Variants in ACAD8 observed in about 807,000 individuals in gnomAD.
ACAD8 encodes the protein isobutyryl-CoA dehydrogenase, mitochondrial.
ACAD8 carries 47 observed loss-of-function variants against 53.1 expected under a neutral mutation model. The ratio of observed to expected loss-of-function variants is 0.89; its 90% CI spans 0.70 to 1.13. ACAD8 has a LOEUF of 1.13. Ranked by LOEUF, ACAD8 falls within the 50% of genes most tolerant of loss-of-function variation. The probability of loss-of-function intolerance (pLI) is 0.00; values close to 1 mark genes in which losing one functional copy is unlikely to be tolerated. For synonymous variants in ACAD8, 198 were observed against 201.3 expected (o/e 0.98, Z 0.14); for missense variants, 494 against 535.0 (o/e 0.92, Z 0.76).
At chr11:134,262,003 A>G in intron 9 of ACAD8, 113 bp downstream of exon 9, 1 of 1,293,054 alleles carries the variant, frequency 7.7e-7, no homozygotes, top group South Asian at 1.3e-5. Context: ...TCCCACAAGG[A>G]TCACCTTAAG....
chr11:134,258,448 C>A (rs573859354), intron 3 of ACAD8, 67 bp from the exon 4 acceptor site: 137 of 1,092,534 alleles, frequency 1.3e-4, no homozygotes, highest in East Asian at 7.8e-4. Flanking sequence ...TTCCCCTTCT[C>A]CCCCATTTTT....
rs1166597174 is a variant in ACAD8, at chr11:134,253,724, G to A, written c.109+15G>A. 1.9e-6 allele frequency: 3 copies of A among 1,578,516 alleles called. No individual in the cohort carries two copies. Among genetic ancestry groups the A allele is most frequent in the African/African-American group, 1.3e-5 (1 of 74,084 alleles). On this transcript the variant is annotated intron_variant, in intron 1 of 10. Coordinates refer to ENST00000281182, the MANE Select transcript of ACAD8 (RefSeq NM_014384.3). The stretch of plus-strand genomic sequence containing the variant: ...CTGCATCGACCGTAAGGATCTCCTG[G>A]CGGGCAGTAGGACAGGTGTCCAGAA...
In ACAD8 at chr11:134,263,381, T is replaced by C. The variant is rs1333316210; in HGVS notation, c.1195+759T>C. 7 of 987,914 alleles carry C rather than the reference T, an allele frequency of 7.1e-6. No individual in the cohort carries two copies. The Admixed American group carries it at 3.6e-4, about 50-fold the overall frequency. 61.2% of individuals were successfully genotyped at this position (987,914 alleles called of 1,614,324 possible). A position where few individuals can be genotyped will look rare whatever the true frequency, so the allele number is the denominator to read the frequency against. On this transcript the variant is annotated intron_variant, in intron 10 of 10. Coordinates refer to ENST00000281182, the MANE Select transcript of ACAD8 (RefSeq NM_014384.3). ...CTGTGCTGGAATCGCCTGGAGGGCATGGGAGCGCAGATTGCGGGCCTCAAC... is the reference window on the plus strand; with the variant it reads ...CTGTGCTGGAATCGCCTGGAGGGCACGGGAGCGCAGATTGCGGGCCTCAAC...
Position 134,261,035 on chromosome 11 carries a change from T to G in ACAD8, c.706-9T>G, listed in dbSNP as rs766360602. On this transcript the variant is annotated splice_polypyrimidine_tract_variant and intron_variant, in intron 6 of 10. Coordinates refer to ENST00000281182, the MANE Select transcript of ACAD8 (RefSeq NM_014384.3). The surrounding 1 kb of genome is among the most constrained non-coding windows in gnomAD (Gnocchi z 4.2). ...GTTGGGCAACCACGCAGTCCCTGATTTTTGCCAGGTGGGGTGGAACTCCCA... is the reference window on the plus strand; with the variant it reads ...GTTGGGCAACCACGCAGTCCCTGATGTTTGCCAGGTGGGGTGGAACTCCCA... The G allele has an allele frequency of 6.2e-7, 1 of 1,611,820 alleles. No individual in the cohort carries two copies.
chr11:134,258,722 C>T lies in ACAD8; in HGVS notation c.490+98C>T, dbSNP rs1939699559. ...CCTTCCAGCCTCTTGACATGTCGAG[C>T]CACTGTTTATCTAGCTGTTTGGTTG... is the stretch of plus-strand genomic sequence containing the variant. On this transcript the variant is annotated intron_variant, in intron 4 of 10. Transcript: ENST00000281182. 3.2e-6 allele frequency: 3 copies of T among 936,114 alleles called. No homozygotes were observed. The South Asian group carries it at 4.2e-5, about 13-fold the overall frequency. The allele number at this position is 936,114 out of a possible 1,614,324, so 58.0% of individuals were successfully genotyped here. A position where few individuals can be genotyped will look rare whatever the true frequency, so the allele number is the denominator to read the frequency against.
chr11:134,262,368 C>G, intron 9 of ACAD8, 152 bp from the exon 10 acceptor site: 1 of 673,862 alleles, frequency 1.5e-6, no homozygotes, highest in Non-Finnish European at 2.7e-6. Context: ...TCTAACCATA[C>G]AGAATGTGGA....
intron 3 of ACAD8, among the ~76,000 whole-genome samples, chr11:134,257,534 G>A (rs1318302986): frequency 6.6e-6 from 1 of 152,040 alleles, no homozygotes; most frequent in East Asian, 2.0e-4. Flanking sequence ...TTAGCCGGGT[G>A]TGGTGGCTGG....
intron 3 of ACAD8, 79 bp downstream of exon 3, chr11:134,257,336 T>C: frequency 2.6e-6 from 4 of 1,556,564 alleles, no homozygotes; most frequent in Admixed American, 1.7e-5. Flanking sequence ...AGGAAAAAGA[T>C]TGATCTTTTG....
intron 6 of ACAD8, chr11:134,260,155 A>C: frequency 8.7e-7 from 1 of 1,146,936 alleles, no homozygotes; most frequent in Non-Finnish European, 1.1e-6. Flanking sequence ...ATAAAGTAAA[A>C]CTCATTGGAG....
chr11:134,255,122 T>TTG (rs1330252628), intron 1 of ACAD8, among the ~76,000 whole-genome samples: 1 of 152,170 alleles, frequency 6.6e-6, no homozygotes, highest in African/African-American at 2.4e-5. Flanking sequence ...TAGTCATCCT[T>TTG]TGTGTGAATG....
chr11:134,253,573 C>G lies in ACAD8; in HGVS notation c.-28C>G. 6.4e-7 allele frequency: 1 copy of G among 1,555,754 alleles called. No homozygotes were observed. The highest frequency in any genetic ancestry group is 8.7e-7 in the Non-Finnish European group (1 of 1,152,890). ...AACGGAGGTCGAAGGCGTTCAGACT[C>G]TTAGCTGAACGCGGAGCTGCGGCGG... On this transcript the variant is annotated 5_prime_UTR_variant, in exon 1 of 11. Coordinates refer to ENST00000281182, the MANE Select transcript of ACAD8 (RefSeq NM_014384.3).
At chr11:134,263,817 C>T in intron 10 of ACAD8, 2 of 985,400 alleles carry the variant, frequency 2.0e-6, no homozygotes, top group South Asian at 9.4e-5. Flanking sequence ...CACTGTATCA[C>T]TTTGTTTCAT....
chr11:134,256,862 T>C (rs1048698265), intron 2 of ACAD8: 21 of 662,172 alleles, frequency 3.2e-5, no homozygotes, highest in Non-Finnish European at 5.1e-5. Flanking sequence ...GATTTGGATA[T>C]AAAACTAAGG....
At chr11:134,255,199 C>T (rs1049458241) in intron 1 of ACAD8, among the ~76,000 whole-genome samples, 6 of 152,136 alleles carry the variant, frequency 3.9e-5, no homozygotes, top group Non-Finnish European at 8.8e-5. Context: ...TACAGTGGTG[C>T]GATCTCAACT....
chr11:134,256,781 T>C, intron 2 of ACAD8, 133 bp downstream of exon 2: 2 of 815,222 alleles, frequency 2.5e-6, no homozygotes, highest in South Asian at 3.7e-5. Flanking sequence ...AGAATACCGG[T>C]AGTGGATGAT....
chr11:134,259,671 G>A lies in ACAD8; in HGVS notation c.631G>A (p.Gly211Ser). Residue 211 changes from glycine (G) to serine (S), a missense_variant, in exon 6 of 11, where the codon GGC becomes AGC. Gly to Ser is a moderately conservative substitution (Grantham distance 56, BLOSUM62 0). Coordinates refer to ENST00000281182, the MANE Select transcript of ACAD8 (RefSeq NM_014384.3). ...YVVMCRTGGP[G>S]PKGISCIVVE... The stretch of plus-strand genomic sequence containing the variant: ...GGTCATGTGCCGAACAGGAGGACCA[G>A]GCCCCAAGGGCATCTCATGCATAGT... 3 of 1,614,218 alleles carry A rather than the reference G, an allele frequency of 1.9e-6. No homozygotes were observed. The highest frequency in any genetic ancestry group is 2.5e-6 in the Non-Finnish European group (3 of 1,180,034).
chr11:134,262,826 C>T (rs927724604), intron 10 of ACAD8: 16 of 1,455,214 alleles, frequency 1.1e-5, no homozygotes, highest in Non-Finnish European at 1.5e-5. Flanking sequence ...TTTCGGGGGG[C>T]CTCAGATCGC....
intron 1 of ACAD8, among the ~76,000 whole-genome samples, chr11:134,254,827 G>A (rs1246962418): frequency 6.6e-6 from 1 of 152,152 alleles, no homozygotes; most frequent in Non-Finnish European, 1.5e-5. Flanking sequence ...ATATGTATTG[G>A]CATCTTGAGC....
chr11:134,255,664 C>G (rs550458539), intron 1 of ACAD8, among the ~76,000 whole-genome samples: 1 of 152,324 alleles, frequency 6.6e-6, no homozygotes, highest in Non-Finnish European at 1.5e-5. Flanking sequence ...CTCAAGGCAG[C>G]CTAATCGTTA....
Sources: allele counts gnomAD v4.1 joint callset (sites outside exome capture counted in the v4.1 genomes callset), GRCh38; gene constraint gnomAD v4.1.1; non-coding constraint Gnocchi (gnomAD v3.1); transcripts MANE v1.5; gene names NCBI Gene and HGNC (gene_info 2026-07-23, HGNC 2026-07-21).